Variants in DOCK1 observed in about 807,000 individuals in gnomAD.
DOCK1 encodes the protein dedicator of cytokinesis protein 1.
DOCK1 carries 138 observed loss-of-function variants against 262.7 expected under a neutral mutation model. The ratio of observed to expected loss-of-function variants is 0.53; its 90% CI spans 0.46 to 0.61. The LOEUF is 0.61. Ranked by LOEUF, DOCK1 falls within the 20% of genes least tolerant of loss-of-function variation. DOCK1 has a pLI of 0.00. For missense variants in DOCK1, 1,908 were observed against 2,370.7 expected, an observed-to-expected ratio of 0.80 and a Z score of 4.05; for synonymous variants, 866 against 867.4, an observed-to-expected ratio of 1.00 and a Z score of 0.03.
chr10:127,032,082 T>G, intron 17 of DOCK1, 55 bp from the exon 18 acceptor site: 4 of 1,551,752 alleles, frequency 2.6e-6, no homozygotes, highest in Non-Finnish European at 3.5e-6. Context: ...GTGGCAAAAA[T>G]GGTGTGTTGC....
At chr10:127,400,430 C>G (rs2067154796) in intron 38 of DOCK1, among the ~76,000 whole-genome samples, 1 of 152,174 alleles carries the variant, frequency 6.6e-6, no homozygotes, top group Non-Finnish European at 1.5e-5. Flanking sequence ...TCAAGGCCAG[C>G]CTGGACTCTT....
At chr10:127,384,068 T>C (rs1383350285) in intron 37 of DOCK1, among the ~76,000 whole-genome samples, 1 of 152,186 alleles carries the variant, frequency 6.6e-6, no homozygotes, top group Non-Finnish European at 1.5e-5. Flanking sequence ...CGCCTCCTCT[T>C]TGACCTGGTT....
At chr10:127,363,066 C>T (rs2064682277) in intron 33 of DOCK1, among the ~76,000 whole-genome samples, 1 of 148,868 alleles carries the variant, frequency 6.7e-6, no homozygotes. Flanking sequence ...TACATCCCCA[C>T]ATATACACAT....
At chr10:127,397,822 C>A (rs139134913) in intron 38 of DOCK1, among the ~76,000 whole-genome samples, 5 of 149,928 alleles carry the variant, frequency 3.3e-5, no homozygotes, top group African/African-American at 9.9e-5. Flanking sequence ...CCTGTATGAC[C>A]CGGGCAGCGA....
At chr10:127,121,457 G>A (rs74158619) in intron 25 of DOCK1, among the ~76,000 whole-genome samples, 1 of 148,454 alleles carries the variant, frequency 6.7e-6, no homozygotes, top group African/African-American at 2.6e-5. Context: ...ATATGTATAT[G>A]TGTGTGTGTG....
intron 1 of DOCK1, among the ~76,000 whole-genome samples, chr10:126,946,930 C>A (rs1434797319): frequency 6.6e-6 from 1 of 152,320 alleles, no homozygotes; most frequent in African/African-American, 2.4e-5. Context: ...GACAGGCTCA[C>A]TTCTTGGATC....
At chr10:127,396,203 C>T (rs58526389) in intron 38 of DOCK1, among the ~76,000 whole-genome samples, 1 of 88,838 alleles carries the variant, frequency 1.1e-5, no homozygotes, top group East Asian at 2.5e-4. Flanking sequence ...ATGCTGGCTG[C>T]ATTCAAGAAT....
chr10:127,091,253 G>A (rs897076895), intron 23 of DOCK1, among the ~76,000 whole-genome samples: 16 of 152,156 alleles, frequency 1.1e-4, no homozygotes, highest in Non-Finnish European at 2.4e-4. Flanking sequence ...AAAGTGCTGG[G>A]ATTACAGGCG....
chr10:127,127,638 T>A, intron 26 of DOCK1, 31 bp from the exon 27 acceptor site: 1 of 1,547,510 alleles, frequency 6.5e-7, no homozygotes, highest in Non-Finnish European at 8.9e-7. Context: ...GTTTCTCTGG[T>A]GTTGGTGTTC....
At chr10:127,303,415 C>T (rs2061758794) in intron 29 of DOCK1, among the ~76,000 whole-genome samples, 1 of 152,146 alleles carries the variant, frequency 6.6e-6, no homozygotes, top group African/African-American at 2.4e-5. Flanking sequence ...GAAGAGAGCT[C>T]AGAGGAGCCT....
At chr10:127,023,717 C>T (rs142284427) in intron 14 of DOCK1, among the ~76,000 whole-genome samples, 438 of 152,044 alleles carry the variant, frequency 2.9e-3, no homozygotes, top group Middle Eastern at 6.8e-3. Context: ...GGATTACAGG[C>T]GTGAGCCACA....
intron 46 of DOCK1, among the ~76,000 whole-genome samples, chr10:127,421,185 G>T (rs569503190): frequency 6.5e-4 from 99 of 152,140 alleles, no homozygotes; most frequent in South Asian, 1.7e-3. Flanking sequence ...TAAGTGCTGG[G>T]ATTACAGGCA....
chr10:127,142,169 G>A (rs180961539), intron 27 of DOCK1, among the ~76,000 whole-genome samples: 12 of 152,304 alleles, frequency 7.9e-5, no homozygotes, highest in African/African-American at 2.6e-4. Flanking sequence ...GCACCATCAC[G>A]GTCCCAGGCC....
intron 1 of DOCK1, among the ~76,000 whole-genome samples, chr10:126,954,857 T>A (rs1591436984): frequency 6.6e-6 from 1 of 152,346 alleles, no homozygotes; most frequent in East Asian, 1.9e-4. Context: ...CTTCTGCCTT[T>A]TAGCTATTGT....
intron 23 of DOCK1, among the ~76,000 whole-genome samples, chr10:127,086,090 A>G (rs1271784608): frequency 1.3e-5 from 2 of 152,126 alleles, no homozygotes; most frequent in Non-Finnish European, 2.9e-5. Flanking sequence ...TCTCTTCAGG[A>G]GTTCGTGACT....
At chr10:127,283,076 G>T (rs1430660205) in intron 29 of DOCK1, among the ~76,000 whole-genome samples, 6 of 152,254 alleles carry the variant, frequency 3.9e-5, no homozygotes, top group African/African-American at 1.4e-4. Flanking sequence ...CGCCAACAAG[G>T]AGCGTTACGT....
chr10:127,413,918 T>A (rs191862449), intron 43 of DOCK1, among the ~76,000 whole-genome samples: 220 of 110,656 alleles, frequency 2.0e-3, no homozygotes, highest in African/African-American at 3.4e-3. Context: ...TTTCTGAAAA[T>A]TTTTTTTTTT....
chr10:127,254,110 C>T (rs988513433), intron 28 of DOCK1, among the ~76,000 whole-genome samples: 1 of 152,094 alleles, frequency 6.6e-6, no homozygotes, highest in African/African-American at 2.4e-5. Flanking sequence ...CAGCAACAAC[C>T]CCTCATGCCA....
At chr10:127,078,473 C>A (rs995233655) in intron 23 of DOCK1, among the ~76,000 whole-genome samples, 1 of 152,134 alleles carries the variant, frequency 6.6e-6, no homozygotes, top group Non-Finnish European at 1.5e-5. Context: ...GTTGGTACCT[C>A]CTCTGCATTC....
Sources: gnomAD v4.1 joint callset for allele counts (sites outside exome capture counted in the v4.1 genomes callset) on GRCh38, gnomAD v4.1.1 for gene constraint, MANE v1.5 for transcripts, NCBI Gene and HGNC (gene_info 2026-07-23, HGNC 2026-07-21) for gene names.